RILPL2: variants seen among roughly 807,000 people sequenced by gnomAD.
RILPL2 encodes the protein RILP-like protein 2.
RILPL2 carries 19 observed loss-of-function variants against 22.2 expected under a neutral mutation model. That is an observed-to-expected ratio of 0.86 (90% confidence interval 0.60 to 1.25). The LOEUF (loss-of-function observed/expected upper bound fraction) is 1.25. Among genes scored for constraint, RILPL2 ranks in the 50% most tolerant of loss-of-function variants. The probability of loss-of-function intolerance (pLI) is 0.00; values close to 1 mark genes in which losing one functional copy is unlikely to be tolerated. For missense variants in RILPL2, 243 were observed against 263.6 expected (o/e 0.92, Z 0.54); for synonymous variants, 123 against 111.6 (o/e 1.10, Z -0.64).
At chr12:123,426,592 CTT>C (rs1441081956) in intron 2 of RILPL2, among the ~76,000 whole-genome samples, 3 of 151,872 alleles carry the variant, frequency 2.0e-5, no homozygotes, top group Non-Finnish European at 1.5e-5. Context: ...AATGATGACT[CTT>C]TCTTTCTTTC....
At chr12:123,417,298 CAAA>C (rs71737939) in intron 3 of RILPL2, among the ~76,000 whole-genome samples, 4 of 127,142 alleles carry the variant, frequency 3.1e-5, no homozygotes, top group Non-Finnish European at 6.8e-5. Context: ...GACCCCATCT[CAAA>C]AAAAAAAAAA....
Position 123,431,041 on chromosome 12 carries a change from G to A in RILPL2, c.340-382C>T, listed in dbSNP as rs140165280. ...GTATTTTCAGTAGAGATGGAGTTTCGCCATGTTGTCCAGGCTGGTCTTCAA... is the reference window on the plus strand; with the variant it reads ...GTATTTTCAGTAGAGATGGAGTTTCACCATGTTGTCCAGGCTGGTCTTCAA... On this transcript the variant is annotated intron_variant, in intron 1 of 3. Transcript: ENST00000280571. Among the ~76,000 whole-genome samples, 219 of 152,224 alleles carry A rather than the reference G, an allele frequency of 1.4e-3. 2 individuals are homozygous for A. Among genetic ancestry groups the A allele is most frequent in the African/African-American group, 4.9e-3 (202 of 41,546 alleles).
chr12:123,431,881 A>ATTTAT (rs971171464), intron 1 of RILPL2, among the ~76,000 whole-genome samples: 5 of 151,754 alleles, frequency 3.3e-5, no homozygotes, highest in South Asian at 2.1e-4. Context: ...TTTTACTACA[A>ATTTAT]TTTATTTTAT....
At chr12:123,427,408 CCTACATGCAAAGAG>C (rs1879472138) in intron 2 of RILPL2, among the ~76,000 whole-genome samples, 2 of 152,100 alleles carry the variant, frequency 1.3e-5, no homozygotes, top group Admixed American at 6.6e-5. Flanking sequence ...ACAGAGCCAG[CCTACATGCAAAGAG>C]AGGGAAAACA....
chr12:123,430,796 C>T (rs1487636751), intron 1 of RILPL2, 137 bp from the exon 2 acceptor site: 1 of 577,360 alleles, frequency 1.7e-6, no homozygotes, highest in Non-Finnish European at 2.3e-6. Flanking sequence ...CAACTTCGGG[C>T]TCCCAGGTTC....
chr12:123,436,022 T>C lies in RILPL2; in HGVS notation c.339+60A>G. 6.6e-7 allele frequency: 1 copy of C among 1,515,092 alleles called. No individual in the cohort carries two copies. The highest frequency in any genetic ancestry group is 8.8e-7 in the Non-Finnish European group (1 of 1,130,660). 93.9% of individuals were successfully genotyped at this position (1,515,092 alleles called of 1,614,324 possible). On this transcript the variant is annotated intron_variant, in intron 1 of 3. Transcript: ENST00000280571. The surrounding 1 kb of genome is among the most constrained non-coding windows in gnomAD (Gnocchi z 6.7). ...GAAAAGGAAGGCGTCTCCCTGCCAGTAGGTGCCCTCCTACGCCCCGCAGGC... is the reference window on the plus strand; with the variant it reads ...GAAAAGGAAGGCGTCTCCCTGCCAGCAGGTGCCCTCCTACGCCCCGCAGGC...
chr12:123,414,886 G>C (rs1473367610), downstream of RILPL2: 1 of 138,840 alleles, frequency 7.2e-6, no homozygotes, highest in Non-Finnish European at 1.5e-5. Context: ...AGCCGAGATC[G>C]TGCCACTGCA....
intron 1 of RILPL2, among the ~76,000 whole-genome samples, chr12:123,431,536 A>G (rs929122540): frequency 6.6e-6 from 1 of 152,086 alleles, no homozygotes; most frequent in African/African-American, 2.4e-5. Context: ...AAAAATAGTT[A>G]AGATGGGCCG....
At chr12:123,413,667 T>C (rs1308319841), downstream of RILPL2, 1 of 152,298 alleles carries the variant, frequency 6.6e-6, no homozygotes, top group Non-Finnish European at 1.5e-5. Context: ...GGGTTGCCAC[T>C]GCTGCCTGGG....
intron 1 of RILPL2, among the ~76,000 whole-genome samples, chr12:123,431,150 C>T (rs776152271): frequency 1.3e-5 from 2 of 152,106 alleles, no homozygotes; most frequent in African/African-American, 2.4e-5. Flanking sequence ...TAGCAGTAAC[C>T]CAAGTGTCCA....
downstream of RILPL2, chr12:123,414,191 C>CAA (rs1282084048): frequency 6.5e-6 from 1 of 154,084 alleles, no homozygotes; most frequent in Non-Finnish European, 1.4e-5. Context: ...AGGCTTGGGC[C>CAA]GCACAGGAGC....
downstream of RILPL2, chr12:123,412,175 T>A (rs1878992367): frequency 6.6e-6 from 1 of 152,198 alleles, no homozygotes; most frequent in Non-Finnish European, 1.5e-5. Context: ...AGGGTCTCAC[T>A]CTGTCACCCA....
rs1443977660 is a variant in RILPL2 at position 123,436,650 on chromosome 12, G to A, written c.-230C>T. ...AGCCACGCTGGAGAGTGCGCTCCAG[G>A]ATGTGGTTTGGGGCGCGAAGGGACA... On this transcript the variant is annotated 5_prime_UTR_variant, in exon 1 of 4. Transcript: ENST00000280571. This position sits in a 1 kb window ranked among gnomAD's most constrained non-coding sequence, Gnocchi z 6.7. 7.3e-6 allele frequency: 5 copies of A among 683,678 alleles called. No homozygotes were observed. In the Admixed American group the frequency reaches 9.0e-5, roughly 12 times the overall value. The allele number at this position is 683,678 out of a possible 1,614,324, so 42.4% of individuals were successfully genotyped here.
chr12:123,435,258 C>G (rs1197023880), intron 1 of RILPL2, among the ~76,000 whole-genome samples: 1 of 151,980 alleles, frequency 6.6e-6, no homozygotes, highest in Non-Finnish European at 1.5e-5. Flanking sequence ...GAGATTCATT[C>G]ACACTGCTGT....
intron 2 of RILPL2, among the ~76,000 whole-genome samples, chr12:123,425,111 C>T (rs1258165007): frequency 6.6e-6 from 1 of 151,796 alleles, no homozygotes; most frequent in Non-Finnish European, 1.5e-5. Flanking sequence ...AATCTCCTGA[C>T]CTCGTGATCC....
In RILPL2 at chr12:123,436,422, GC is replaced by G; in HGVS notation, c.-3del. ...TTCTCGCACAGGGGGCTCCTCCATGGCCACCCAGACCCCCGCCGACCTCGGA... is the reference window on the plus strand; with the variant it reads ...TTCTCGCACAGGGGGCTCCTCCATGGCACCCAGACCCCCGCCGACCTCGGA... On this transcript the variant is annotated 5_prime_UTR_variant, in exon 1 of 4. Coordinates refer to ENST00000280571, the MANE Select transcript of RILPL2 (RefSeq NM_145058.3). The surrounding 1 kb of genome is among the most constrained non-coding windows in gnomAD (Gnocchi z 6.7). The G allele has an allele frequency of 6.5e-7, 1 of 1,545,622 alleles. No homozygotes were observed. The highest frequency in any genetic ancestry group is 8.7e-7 in the Non-Finnish European group (1 of 1,146,594).
intron 3 of RILPL2, among the ~76,000 whole-genome samples, chr12:123,421,103 C>T (rs1879271562): frequency 6.6e-6 from 1 of 150,492 alleles, no homozygotes; most frequent in African/African-American, 2.5e-5. Flanking sequence ...AGTGCAGTGG[C>T]ACCATCTCGG....
intron 3 of RILPL2, among the ~76,000 whole-genome samples, chr12:123,417,291 C>T (rs1482097861): frequency 6.7e-6 from 1 of 149,890 alleles, no homozygotes; most frequent in South Asian, 2.1e-4. Flanking sequence ...AGAGTGAGAC[C>T]CCATCTCAAA....
At chr12:123,427,892 A>C (rs542173717) in intron 2 of RILPL2, among the ~76,000 whole-genome samples, 1 of 152,236 alleles carries the variant, frequency 6.6e-6, no homozygotes, top group South Asian at 2.1e-4. Context: ...TTGGACCTTC[A>C]AATGGATGCA....
Sources: gnomAD v4.1 joint callset for allele counts (sites outside exome capture counted in the v4.1 genomes callset) on GRCh38, gnomAD v4.1.1 for gene constraint, Gnocchi (gnomAD v3.1) non-coding constraint, MANE v1.5 for transcripts, NCBI Gene and HGNC (gene_info 2026-07-23, HGNC 2026-07-21) for gene names.